CLN6: variants seen among roughly 807,000 people sequenced by gnomAD.
CLN6 encodes the protein ceroid-lipofuscinosis neuronal protein 6.
In CLN6, 22 loss-of-function variants were observed where a neutral mutation model predicts 33.3. The ratio of observed to expected loss-of-function variants is 0.66; its 90% confidence interval spans 0.47 to 0.94. CLN6 has a LOEUF of 0.94. Among genes scored for constraint, CLN6 ranks in the 40% least tolerant of loss-of-function variants. CLN6 has a pLI of 0.00. For missense variants in CLN6, 387 were observed against 417.1 expected, an observed-to-expected ratio of 0.93 and a Z score of 0.63; for synonymous variants, 201 against 174.6, an observed-to-expected ratio of 1.15 and a Z score of -1.19.
At chr15:68,224,327 CAA>C (rs1185942199) in intron 1 of CLN6, among the ~76,000 whole-genome samples, 1 of 141,266 alleles carries the variant, frequency 7.1e-6, no homozygotes, top group African/African-American at 2.6e-5. Context: ...AACCAGCTTG[CAA>C]ATCAAGATTA....
At position 68,210,568 on chromosome 15, in the gene CLN6, A is replaced by C. The variant is rs1354448753; in HGVS notation, c.542+695T>G. On this transcript the variant is annotated intron_variant, in intron 5 of 6. Coordinates refer to ENST00000249806, the MANE Select transcript of CLN6 (RefSeq NM_017882.3). This position sits in a 1 kb window ranked among gnomAD's most constrained non-coding sequence, Gnocchi z 5.6. ...TGAGCCGGGTCCAGGGCTGGCCCTC[A>C]CCTCCCAGCTGCAGCCTTCGGAGCC... Among the ~76,000 whole-genome samples, 1 of 151,936 alleles carries C rather than the reference A, an allele frequency of 6.6e-6. No homozygotes were observed. The highest frequency in any genetic ancestry group is 2.4e-5 in the African/African-American group (1 of 41,358).
At chr15:68,244,329 C>T (rs1284734077) in intron 1 of CLN6, among the ~76,000 whole-genome samples, 1 of 151,470 alleles carries the variant, frequency 6.6e-6, no homozygotes, top group Non-Finnish European at 1.5e-5. Flanking sequence ...AAGCAAATAA[C>T]ACATAAGGGG....
intron 2 of CLN6, 29 bp downstream of exon 2, chr15:68,218,507 C>A: frequency 6.6e-7 from 1 of 1,518,698 alleles, no homozygotes; most frequent in South Asian, 1.1e-5. Flanking sequence ...CAGTGCTGGT[C>A]AGAGCCCTGT....
In CLN6 at chr15:68,229,711, G is replaced by C; in HGVS notation, c.-127C>G. The C allele has an allele frequency of 5.9e-6, 4 of 673,774 alleles. No individual in the cohort carries two copies. Among genetic ancestry groups the C allele is most frequent in the Non-Finnish European group, 8.5e-6 (4 of 468,550 alleles). The allele number at this position is 673,774 out of a possible 1,614,324, so 41.7% of individuals were successfully genotyped here. A position where few individuals can be genotyped will look rare whatever the true frequency, so the allele number is the denominator to read the frequency against. ...TCGGGGCGGGCCGGCGAGAGCGCGC[G>C]GCCCTCGGGAGGAACAGGCGGGGCT... On this transcript the variant is annotated 5_prime_UTR_variant, in exon 1 of 7. Coordinates refer to ENST00000249806, the MANE Select transcript of CLN6 (RefSeq NM_017882.3).
At position 68,242,297 on chromosome 15, in the gene CLN6, A is replaced by C. The variant is rs899121387; in HGVS notation, c.179+14393T>G. Among the ~76,000 whole-genome samples, 1 of 152,214 alleles carries C rather than the reference A, an allele frequency of 6.6e-6. No homozygotes were observed. The highest frequency in any genetic ancestry group is 1.5e-5 in the Non-Finnish European group (1 of 68,040). ...CATTTGCTAAATCAAAAAATTCATT[A>C]GAGACTCTCAACAGCAGAATGGATC... On this transcript the variant is annotated intron_variant, in intron 1 of 6. Coordinates refer to the CLN6 transcript ENST00000538696. This position sits in a 1 kb window ranked among gnomAD's most constrained non-coding sequence, Gnocchi z 5.0.
Position 68,219,351 on chromosome 15 carries a change from C to T in CLN6, c.84-701G>A, listed in dbSNP as rs2093229083. 6.6e-6 allele frequency among the ~76,000 whole-genome samples: 1 copy of T among 152,128 alleles called. No individual in the cohort carries two copies. Among genetic ancestry groups the T allele is most frequent in the Non-Finnish European group, 1.5e-5 (1 of 68,034 alleles). ...ATAGGGCCTCCTGCTCGCTTGATTCCAGCACTGTGAGGAGGTCAGGTTGGG... is the reference window on the plus strand; with the variant it reads ...ATAGGGCCTCCTGCTCGCTTGATTCTAGCACTGTGAGGAGGTCAGGTTGGG... On this transcript the variant is annotated intron_variant, in intron 1 of 6. Coordinates refer to ENST00000249806, the MANE Select transcript of CLN6 (RefSeq NM_017882.3). The surrounding 1 kb of genome is among the most constrained non-coding windows in gnomAD (Gnocchi z 4.2).
intron 1 of CLN6, among the ~76,000 whole-genome samples, chr15:68,251,764 T>C (rs1266347556): frequency 2.6e-5 from 4 of 152,086 alleles, no homozygotes; most frequent in Non-Finnish European, 5.9e-5. Context: ...CAGAAAACAG[T>C]ACTGTCATTA....
rs1474799948 is a variant in CLN6 at position 68,236,270 on chromosome 15, G to A, written c.180-17620C>T. On this transcript the variant is annotated intron_variant, in intron 1 of 6. Transcript: ENST00000538696. This position sits in a 1 kb window ranked among gnomAD's most constrained non-coding sequence, Gnocchi z 4.5. Reference sequence around the variant, plus strand: ...TCTGCTTTTAGGTATAGGACCAAGAGCTCTGAAAAAAAAGTCCACAGAAAA... The same window carrying A: ...TCTGCTTTTAGGTATAGGACCAAGAACTCTGAAAAAAAAGTCCACAGAAAA... Among the ~76,000 whole-genome samples the A allele has an allele frequency of 6.6e-6, 1 of 152,020 alleles. No individual in the cohort carries two copies. The highest frequency in any genetic ancestry group is 6.6e-5 in the Admixed American group (1 of 15,252).
At position 68,211,815 on chromosome 15, in the gene CLN6, T is replaced by C. The variant is rs2093206402; in HGVS notation, c.346A>G (p.Ser116Gly). The change falls in exon 4 of 7, where the codon AGC becomes GGC. Residue 116 changes from serine to glycine, a missense_variant. By Grantham distance (56) the Ser-to-Gly change is moderately conservative. Transcript: ENST00000249806. The surrounding 1 kb of genome is among the most constrained non-coding windows in gnomAD (Gnocchi z 5.9). ...GCACCCATGATGAAGATGATGATGC[T>C]CACGTACGTGATGGAGCGTGGCAGG... is the stretch of plus-strand genomic sequence containing the variant. ...RTLPRSITYV[S>G]IIIFIMGASI... The C allele has an allele frequency of 6.2e-7, 1 of 1,613,722 alleles. No individual in the cohort carries two copies. The highest frequency in any genetic ancestry group is 1.3e-5 in the African/African-American group (1 of 74,856).
chr15:68,209,243 G>A lies in CLN6; in HGVS notation c.665+394C>T, dbSNP rs1255064740. 1.3e-5 allele frequency among the ~76,000 whole-genome samples: 2 copies of A among 152,210 alleles called. No individual in the cohort carries two copies. The highest frequency in any genetic ancestry group is 2.9e-5 in the Non-Finnish European group (2 of 68,044). On this transcript the variant is annotated intron_variant, in intron 6 of 6. Transcript: ENST00000249806. This position sits in a 1 kb window ranked among gnomAD's most constrained non-coding sequence, Gnocchi z 4.9. The stretch of plus-strand genomic sequence containing the variant: ...CCTCAGCATCCTCATCATCTGAGAG[G>A]CAGACAGGCAGGTACCATCATCCCC...
In CLN6 at chr15:68,208,501, C is replaced by T; in HGVS notation, c.666-91G>A. ...TGTGTGCGAGAGCCAGGCTGCCCTC[C>T]AGGCAGGCAGAAGAGTCCTCTGGTG... On this transcript the variant is annotated intron_variant, in intron 6 of 6. Transcript: ENST00000249806. The surrounding 1 kb of genome is among the most constrained non-coding windows in gnomAD (Gnocchi z 5.8). 6.8e-7 allele frequency: 1 copy of T among 1,461,864 alleles called. No homozygotes were observed. Among genetic ancestry groups the T allele is most frequent in the Non-Finnish European group, 9.4e-7 (1 of 1,059,736 alleles). 90.6% of individuals were successfully genotyped at this position (1,461,864 alleles called of 1,614,324 possible).
At position 68,220,027 on chromosome 15, in the gene CLN6, A is replaced by G. The variant is rs2093231192; in HGVS notation, c.84-1377T>C. 6.6e-6 allele frequency among the ~76,000 whole-genome samples: 1 copy of G among 152,202 alleles called. No individual in the cohort carries two copies. Among genetic ancestry groups the G allele is most frequent in the Non-Finnish European group, 1.5e-5 (1 of 68,050 alleles). ...GCACTGCAAAGACTGTCTTCTGTCG[A>G]TACTGCTGTTGCTTCCCTAATTTTC... is the stretch of plus-strand genomic sequence containing the variant. On this transcript the variant is annotated intron_variant, in intron 1 of 6. Coordinates refer to ENST00000249806, the MANE Select transcript of CLN6 (RefSeq NM_017882.3). The surrounding 1 kb of genome is among the most constrained non-coding windows in gnomAD (Gnocchi z 4.2).
intron 1 of CLN6, among the ~76,000 whole-genome samples, chr15:68,253,909 C>G (rs1332269453): frequency 6.6e-6 from 1 of 151,394 alleles, no homozygotes; most frequent in South Asian, 2.1e-4. Context: ...GCTCTGTCGC[C>G]CAGGCTGGAG....
At chr15:68,230,152 G>T (rs548738823), upstream of CLN6, among the ~76,000 whole-genome samples, 12 of 152,134 alleles carry the variant, frequency 7.9e-5, no homozygotes, top group Non-Finnish European at 1.6e-4. The surrounding 1 kb of genome is among the most constrained non-coding windows in gnomAD (Gnocchi z 4.0). Context: ...TTCTAGTGAG[G>T]GGCTGGCGGT....
rs1387550251 is a variant in CLN6, at chr15:68,210,952, C to G, written c.542+311G>C. Among the ~76,000 whole-genome samples, 1 of 152,064 alleles carries G rather than the reference C, an allele frequency of 6.6e-6. No individual in the cohort carries two copies. The highest frequency in any genetic ancestry group is 2.4e-5 in the African/African-American group (1 of 41,412). ...CCCCACCCTCAGGGCTCAGGCTTGG[C>G]GAGGAAGGACCAAAGCCACTCGCTG... On this transcript the variant is annotated intron_variant, in intron 5 of 6. Coordinates refer to ENST00000249806, the MANE Select transcript of CLN6 (RefSeq NM_017882.3). The surrounding 1 kb of genome is among the most constrained non-coding windows in gnomAD (Gnocchi z 5.6).
At chr15:68,218,295 T>G (rs1026873644) in intron 2 of CLN6, 21 of 447,292 alleles carry the variant, frequency 4.7e-5, no homozygotes, top group South Asian at 4.1e-4. Flanking sequence ...GTATGACTGT[T>G]CAGGACCACC....
In CLN6 at chr15:68,256,418, T is replaced by C. The variant is rs1892437086; in HGVS notation, c.179+272A>G. Reference sequence around the variant, plus strand: ...GCCACCATGCCCGGCCATTTTTCCCTTTTTTAAATGTGGTTACTAGAAAAT... The same window carrying C: ...GCCACCATGCCCGGCCATTTTTCCCCTTTTTAAATGTGGTTACTAGAAAAT... On this transcript the variant is annotated intron_variant, in intron 1 of 6. Transcript: ENST00000538696. This position sits in a 1 kb window ranked among gnomAD's most constrained non-coding sequence, Gnocchi z 4.1. Among the ~76,000 whole-genome samples the C allele has an allele frequency of 6.6e-6, 1 of 152,210 alleles. No individual in the cohort carries two copies. The highest frequency in any genetic ancestry group is 1.5e-5 in the Non-Finnish European group (1 of 68,038).
At chr15:68,257,028 C>G (rs1422449628) in exon 1 of CLN6, 1 of 520,262 alleles carries the variant, frequency 1.9e-6, no homozygotes, top group Non-Finnish European at 3.4e-6. Context: ...GCAGAGGTCG[C>G]AATACCGCTG....
rs528483922 is a variant in CLN6, at chr15:68,254,879, C to T, written c.179+1811G>A. On this transcript the variant is annotated intron_variant, in intron 1 of 6. Coordinates refer to the CLN6 transcript ENST00000538696. ...GCCCAAACAGACCAGACACAGAAAG[C>T]TGAAGGTGCTGCAGATGCCAAGTGA... 82 of 1,131,198 alleles carry T rather than the reference C, an allele frequency of 7.2e-5. 2 individuals are homozygous for T. The Admixed American group carries it at 1.4e-3, about 19-fold the overall frequency. 70.1% of individuals were successfully genotyped at this position (1,131,198 alleles called of 1,614,324 possible). A position where few individuals can be genotyped will look rare whatever the true frequency, so the allele number is the denominator to read the frequency against.
Sources: gnomAD v4.1 joint callset for allele counts (sites outside exome capture counted in the v4.1 genomes callset) on GRCh38, gnomAD v4.1.1 for gene constraint, Gnocchi (gnomAD v3.1) non-coding constraint, MANE v1.5 for transcripts, NCBI Gene and HGNC (gene_info 2026-07-23, HGNC 2026-07-21) for gene names.